The following FAXDC2 variants were observed in gnomAD, a reference collection of about 807,000 sequenced individuals.
FAXDC2 encodes the protein fatty acid hydroxylase domain containing 2, also known as fatty acid hydroxylase domain-containing protein 2.
Under a neutral mutation model 40.9 loss-of-function variants are expected in FAXDC2, and 41 were observed. The ratio of observed to expected loss-of-function variants is 1.00; its 90% CI spans 0.78 to 1.30. The LOEUF (loss-of-function observed/expected upper bound fraction) is 1.30, where lower values mean the gene tolerates loss of function less well. Among genes scored for constraint, FAXDC2 ranks in the 50% most tolerant of loss-of-function variants. FAXDC2 has a pLI of 0.00. For missense variants in FAXDC2, 390 were observed against 408.8 expected (o/e 0.95, Z 0.40); for synonymous variants, 157 against 149.3 (o/e 1.05, Z -0.38).
At position 154,819,277 on chromosome 5, in the gene FAXDC2, T is replaced by C. The variant is rs1561649192; in HGVS notation, c.*1039A>G. On this transcript the variant is annotated 3_prime_UTR_variant, in exon 9 of 9. Coordinates refer to ENST00000326080, the MANE Select transcript of FAXDC2 (RefSeq NM_032385.5). ...TCTGGCGGCTGAGAGGAGGCCAGGA[T>C]GGGGACTTCAACCCAAGCAGCTGTG... is the stretch of plus-strand genomic sequence containing the variant. 6.6e-6 allele frequency: 1 copy of C among 152,152 alleles called. No individual in the cohort carries two copies. The allele number at this position is 152,152 out of a possible 1,614,324, so 9.4% of individuals were successfully genotyped here. A position where few individuals can be genotyped will look rare whatever the true frequency, so the allele number is the denominator to read the frequency against.
At chr5:154,830,992 C>CT (rs961084763) in intron 4 of FAXDC2, 70 bp from the exon 5 acceptor site, 275 of 1,577,542 alleles carry the variant, frequency 1.7e-4, no homozygotes, top group Non-Finnish European at 2.3e-4. Flanking sequence ...ACAGAACATA[C>CT]TTTTTTGTGG....
chr5:154,838,240 G>A, intron 1 of FAXDC2, 62 bp from the exon 2 acceptor site: 1 of 1,538,148 alleles, frequency 6.5e-7, no homozygotes, highest in Non-Finnish European at 8.9e-7. Flanking sequence ...AGGAAGTAGG[G>A]AGTGGAGAAA....
At position 154,834,913 on chromosome 5, in the gene FAXDC2, T is replaced by C. The variant is rs201539022; in HGVS notation, c.70A>G (p.Met24Val). The change falls in exon 3 of 9, where the codon ATG (methionine) becomes GTG (valine). Residue 24 changes from methionine to valine, a missense_variant. Met to Val is a conservative substitution (Grantham distance 21). Transcript: ENST00000326080. The part of the protein sequence containing the change: ...SKQEGHIWGS[M>V]RRTAFILGSG... ...CCCAGGATGAAAGCTGTCCTCCTCA[T>C]AGAGCCCCAGATGTGTCCCTCCTGG... The C allele has an allele frequency of 1.3e-3, 2,022 of 1,603,648 alleles. 5 individuals carry two copies. The highest frequency in any genetic ancestry group is 1.6e-3 in the Non-Finnish European group (1,933 of 1,174,382).
chr5:154,843,686 T>C (rs1760532430), intron 1 of FAXDC2, among the ~76,000 whole-genome samples: 1 of 152,218 alleles, frequency 6.6e-6, no homozygotes. Flanking sequence ...AGACCATAGT[T>C]AAACAAGATA....
At chr5:154,836,720 G>A (rs1198147961) in intron 2 of FAXDC2, among the ~76,000 whole-genome samples, 1 of 151,822 alleles carries the variant, frequency 6.6e-6, no homozygotes, top group African/African-American at 2.4e-5. Context: ...GTGCAGTCTC[G>A]GCTCACTGCA....
Position 154,820,352 on chromosome 5 carries a change from A to G in FAXDC2, c.966T>C (p.Ser322=). The change falls in exon 9 of 9, where the codon TCT becomes TCC. Residue 322 remains serine (S), a synonymous_variant. Coordinates refer to ENST00000326080, the MANE Select transcript of FAXDC2 (RefSeq NM_032385.5). ...HVLLLGFTPL[S]ESIPDSPKRM... Reference sequence around the variant, plus strand: ...TCTTTGGGGAGTCTGGGATGCTCTCAGAGAGCGGGGTGAAGCCCAGCAGGA... The same window carrying G: ...TCTTTGGGGAGTCTGGGATGCTCTCGGAGAGCGGGGTGAAGCCCAGCAGGA... 1.2e-6 allele frequency: 2 copies of G among 1,613,182 alleles called. No individual in the cohort carries two copies. The highest frequency in any genetic ancestry group is 1.7e-6 in the Non-Finnish European group (2 of 1,179,668).
chr5:154,820,873 A>G, intron 8 of FAXDC2: 1 of 250,148 alleles, frequency 4.0e-6, no homozygotes, highest in Non-Finnish European at 8.1e-6. Flanking sequence ...AAGAGCCTAT[A>G]TTTTAAACAA....
At chr5:154,824,042 CCT>C in intron 5 of FAXDC2, 1 of 218,962 alleles carries the variant, frequency 4.6e-6, no homozygotes, top group Non-Finnish European at 9.2e-6. Flanking sequence ...AGATCATCTG[CCT>C]CCTCAAGTGG....
At chr5:154,850,309 A>T (rs980356536) in intron 1 of FAXDC2, among the ~76,000 whole-genome samples, 174 bp downstream of exon 1, 7 of 152,258 alleles carry the variant, frequency 4.6e-5, no homozygotes, top group African/African-American at 1.7e-4. Context: ...GTCCTAGGAC[A>T]AATTCTAACC....
At chr5:154,842,482 G>T (rs1413797384) in intron 1 of FAXDC2, among the ~76,000 whole-genome samples, 2 of 147,392 alleles carry the variant, frequency 1.4e-5, no homozygotes. Context: ...GGGATTACAG[G>T]CGTGAGCCAC....
Position 154,840,963 on chromosome 5 carries a change from G to A in FAXDC2, c.1-2785C>T, listed in dbSNP as rs149901471. ...ACCAGAAGGAGGTGATAAGCAAGCTGCTTATCATTACCACTGTGAGTCCCA... is the reference window on the plus strand; with the variant it reads ...ACCAGAAGGAGGTGATAAGCAAGCTACTTATCATTACCACTGTGAGTCCCA... On this transcript the variant is annotated intron_variant, in intron 1 of 8. Coordinates refer to ENST00000326080, the MANE Select transcript of FAXDC2 (RefSeq NM_032385.5). Among the ~76,000 whole-genome samples the A allele has an allele frequency of 6.6e-5, 10 of 152,258 alleles. No individual in the cohort carries two copies. In the East Asian group the frequency reaches 1.9e-3, roughly 29 times the overall value.
chr5:154,821,399 C>T lies in FAXDC2; in HGVS notation c.706G>A (p.Gly236Ser). Reference sequence around the variant, plus strand: ...AAGTGGGAGCCCATTACTAATGGGCCCACTATCACCGGTAGCATGTTGGAG... The same window carrying T: ...AAGTGGGAGCCCATTACTAATGGGCTCACTATCACCGGTAGCATGTTGGAG... ...AVSNMLPVIV[G>S]PLVMGSHLSS... The change falls in exon 8 of 9, where the codon GGC becomes AGC. Residue 236 changes from glycine to serine, a missense_variant. Transcript: ENST00000326080. The T allele has an allele frequency of 6.2e-7, 1 of 1,611,788 alleles. No individual in the cohort carries two copies. Among genetic ancestry groups the T allele is most frequent in the South Asian group, 1.1e-5 (1 of 90,904 alleles).
chr5:154,824,620 G>T, intron 5 of FAXDC2: 1 of 701,554 alleles, frequency 1.4e-6, no homozygotes, highest in South Asian at 1.5e-5. Flanking sequence ...ACCAAGAGGC[G>T]GGGTATCACA....
chr5:154,830,814 C>G lies in FAXDC2; in HGVS notation c.353G>C (p.Gly118Ala). The change falls in exon 5 of 9, where the codon GGC becomes GCC. Residue 118 changes from glycine (G) to alanine (A), a missense_variant. Gly to Ala is a moderately conservative substitution (Grantham distance 60). Coordinates refer to ENST00000326080, the MANE Select transcript of FAXDC2 (RefSeq NM_032385.5). ...NFISRYRIQVGKNEPVDPVKL... is the reference protein window; with the variant it reads ...NFISRYRIQVAKNEPVDPVKL... Reference sequence around the variant, plus strand: ...AACAACACTTACAGGTTCATTCTTGCCGACCTGAATTCGGTAGCGAGAGAT... The same window carrying G: ...AACAACACTTACAGGTTCATTCTTGGCGACCTGAATTCGGTAGCGAGAGAT... The G allele has an allele frequency of 6.2e-7, 1 of 1,614,044 alleles. No homozygotes were observed. Among genetic ancestry groups the G allele is most frequent in the Admixed American group, 1.7e-5 (1 of 60,022 alleles).
chr5:154,821,480 T>C, intron 7 of FAXDC2, 54 bp from the exon 8 acceptor site: 6 of 1,482,344 alleles, frequency 4.0e-6, no homozygotes, highest in Non-Finnish European at 5.5e-6. Context: ...AGGGACTTAG[T>C]TGGGTATACA....
chr5:154,838,275 T>C (rs956109174), intron 1 of FAXDC2, 97 bp from the exon 2 acceptor site: 17 of 1,169,994 alleles, frequency 1.5e-5, no homozygotes, highest in Non-Finnish European at 2.0e-5. Flanking sequence ...CTAGCAGTGA[T>C]TTTTGAAAAA....
intron 1 of FAXDC2, among the ~76,000 whole-genome samples, chr5:154,846,938 T>G (rs532074248): frequency 1.3e-4 from 19 of 151,984 alleles, no homozygotes; most frequent in African/African-American, 3.4e-4. Flanking sequence ...TTGTTTGTTT[T>G]TTTTTTAGTG....
At chr5:154,822,425 T>C in intron 7 of FAXDC2, 47 bp downstream of exon 7, 1 of 1,375,030 alleles carries the variant, frequency 7.3e-7, no homozygotes, top group Non-Finnish European at 1.0e-6. Flanking sequence ...AGGAAGGTGG[T>C]TGGGGCCATC....
rs776413264 is a variant in FAXDC2 at position 154,820,388 on chromosome 5, C to T, written c.930G>A (p.Glu310=). 15 of 1,613,022 alleles carry T rather than the reference C, an allele frequency of 9.3e-6. No individual in the cohort carries two copies. Among genetic ancestry groups the T allele is most frequent in the Non-Finnish European group, 1.3e-5 (15 of 1,179,932 alleles). ...DTMFKQTKAY[E]RHVLLLGFTP... ...TGAAGCCCAGCAGGAGGACATGTCTCTCGTAGGCCTTGGTCTGCTTGAACA... is the reference window on the plus strand; with the variant it reads ...TGAAGCCCAGCAGGAGGACATGTCTTTCGTAGGCCTTGGTCTGCTTGAACA... Residue 310 remains glutamate, a synonymous_variant, in exon 9 of 9, where the codon GAG becomes GAA. Coordinates refer to ENST00000326080, the MANE Select transcript of FAXDC2 (RefSeq NM_032385.5).
Sources: allele counts gnomAD v4.1 joint callset (sites outside exome capture counted in the v4.1 genomes callset), GRCh38; gene constraint gnomAD v4.1.1; transcripts MANE v1.5; gene names NCBI Gene and HGNC (gene_info 2026-07-23, HGNC 2026-07-21).